GRID2: variants seen among roughly 807,000 people sequenced by gnomAD.
GRID2 encodes glutamate receptor ionotropic, delta-2.
A neutral mutation model predicts 114.8 loss-of-function variants in GRID2; 33 were observed. That is an observed-to-expected ratio of 0.29 (90% CI 0.22 to 0.38). GRID2 has a LOEUF of 0.38. GRID2 is among the 10% of genes least tolerant of loss of function. GRID2 has a pLI of 1.00. For synonymous variants in GRID2, 505 were observed against 449.9 expected (o/e 1.12, Z -1.55); for missense variants, 1,184 against 1,257.7 (o/e 0.94, Z 0.89).
At chr4:93,302,492 C>A (rs190539707) in intron 8 of GRID2, 1 of 445,796 alleles carries the variant, frequency 2.2e-6, no homozygotes, top group South Asian at 1.6e-5. Context: ...CTGAGCAATG[C>A]GAACATAATA....
At chr4:93,713,631 A>G (rs1203841353) in intron 14 of GRID2, among the ~76,000 whole-genome samples, 1 of 152,082 alleles carries the variant, frequency 6.6e-6, no homozygotes, top group Non-Finnish European at 1.5e-5. Context: ...AGAAAAATAG[A>G]TTATTGGGAT....
chr4:93,649,307 A>G (rs1468096823), intron 14 of GRID2, among the ~76,000 whole-genome samples: 1 of 152,172 alleles, frequency 6.6e-6, no homozygotes, highest in Non-Finnish European at 1.5e-5. Flanking sequence ...ATGTTAACTA[A>G]TGCATTGGGT....
chr4:92,657,749 G>GA (rs1407417281), intron 2 of GRID2, among the ~76,000 whole-genome samples: 3 of 151,348 alleles, frequency 2.0e-5, no homozygotes, highest in Admixed American at 1.3e-4. Context: ...ATTTTTTATT[G>GA]AAAAAATCCT....
chr4:92,330,059 A>T (rs1726803205), intron 1 of GRID2, among the ~76,000 whole-genome samples: 1 of 150,736 alleles, frequency 6.6e-6, no homozygotes, highest in South Asian at 2.1e-4. Flanking sequence ...ACCAGCAAGA[A>T]TGTTAGTGTA....
At chr4:92,318,309 T>TATATA (rs1491453818) in intron 1 of GRID2, among the ~76,000 whole-genome samples, 152 of 113,324 alleles carry the variant, frequency 1.3e-3, no homozygotes, top group Middle Eastern at 9.9e-3. Flanking sequence ...TATATATATA[T>TATATA]TTTTTTTTTT....
chr4:92,594,681 G>A (rs950567716), intron 2 of GRID2, among the ~76,000 whole-genome samples: 30 of 151,872 alleles, frequency 2.0e-4, no homozygotes, highest in African/African-American at 7.2e-4. Flanking sequence ...AGGATCTTGT[G>A]CTGATTCCCT....
At position 93,756,969 on chromosome 4, in the gene GRID2, T is replaced by A. The variant is rs531386154; in HGVS notation, c.2361-12241T>A. On this transcript the variant is annotated intron_variant, in intron 14 of 15. Coordinates refer to ENST00000282020, the MANE Select transcript of GRID2 (RefSeq NM_001510.4). ...ATCAAATATAAATAATAATTCAGAG[T>A]GAAAACAGAGACGTCTCAAGGCAGT... Among the ~76,000 whole-genome samples the A allele has an allele frequency of 3.9e-5, 6 of 151,906 alleles. No individual in the cohort carries two copies. In the East Asian group the frequency reaches 9.7e-4, roughly 25 times the overall value.
intron 9 of GRID2, among the ~76,000 whole-genome samples, chr4:93,420,192 C>T (rs1464002981): frequency 2.0e-5 from 3 of 152,110 alleles, no homozygotes; most frequent in Admixed American, 2.0e-4. Context: ...GAATGAGTTG[C>T]ATGTAAGGAA....
chr4:93,070,590 T>G (rs1728724324), intron 2 of GRID2, among the ~76,000 whole-genome samples: 1 of 152,020 alleles, frequency 6.6e-6, no homozygotes, highest in Non-Finnish European at 1.5e-5. Context: ...AATCACTGAT[T>G]AAAGATAGAA....
At position 93,037,095 on chromosome 4, in the gene GRID2, G is replaced by T. The variant is rs982918272; in HGVS notation, c.245-47900G>T. Among the ~76,000 whole-genome samples the T allele has an allele frequency of 3.6e-4, 55 of 152,068 alleles. 1 individual carries two copies. Among genetic ancestry groups the T allele is most frequent in the Non-Finnish European group, 4.4e-5 (3 of 67,990 alleles). On this transcript the variant is annotated intron_variant, in intron 2 of 15. Coordinates refer to ENST00000282020, the MANE Select transcript of GRID2 (RefSeq NM_001510.4). Reference sequence around the variant, plus strand: ...GATAATATGGATAGACACTCAAATTGTTTTTATTTTACTTCGAAGATCAGC... The same window carrying T: ...GATAATATGGATAGACACTCAAATTTTTTTTATTTTACTTCGAAGATCAGC...
At chr4:93,328,482 A>G (rs1560504476) in intron 8 of GRID2, among the ~76,000 whole-genome samples, 1 of 152,104 alleles carries the variant, frequency 6.6e-6, no homozygotes, top group Admixed American at 6.6e-5. Context: ...TCCTTATAAC[A>G]CTATCTAAAA....
intron 2 of GRID2, among the ~76,000 whole-genome samples, chr4:93,067,996 T>G (rs775583979): frequency 1.1e-4 from 17 of 152,052 alleles, no homozygotes; most frequent in Non-Finnish European, 2.1e-4. Flanking sequence ...AACTGTAAGC[T>G]TCTAAAGAGT....
rs1193500580 is a variant in GRID2 at position 92,384,528 on chromosome 4, A to AATATATAATATAATATATAATATATATT, written c.88+79805_88+79832dup. On this transcript the variant is annotated intron_variant, in intron 1 of 15. Coordinates refer to ENST00000282020, the MANE Select transcript of GRID2 (RefSeq NM_001510.4). Reference sequence around the variant, plus strand: ...TATTATATATAATATTATATAATATAATATATAATATAATATATAATATAT... The same window carrying AATATATAATATAATATATAATATATATT: ...TATTATATATAATATTATATAATATAATATATAATATAATATATAATATATATTATATATAATATAATATATAATATAT... 6.2e-4 allele frequency among the ~76,000 whole-genome samples: 22 copies of AATATATAATATAATATATAATATATATT among 35,374 alleles called. 1 individual carries two copies. Among genetic ancestry groups the AATATATAATATAATATATAATATATATT allele is most frequent in the African/African-American group, 1.3e-3 (12 of 9,048 alleles). The allele number at this position is 35,374 out of a possible 152,430, so 23.2% of individuals were successfully genotyped here. A position where few individuals can be genotyped will look rare whatever the true frequency, so the allele number is the denominator to read the frequency against.
intron 4 of GRID2, among the ~76,000 whole-genome samples, chr4:93,197,798 A>G (rs1352220592): frequency 6.6e-6 from 1 of 152,086 alleles, no homozygotes; most frequent in African/African-American, 2.4e-5. Context: ...ATTCAAGCCC[A>G]TTTACTCAAC....
intron 14 of GRID2, among the ~76,000 whole-genome samples, chr4:93,668,297 A>G (rs1724115882): frequency 6.6e-6 from 1 of 152,078 alleles, no homozygotes; most frequent in Admixed American, 6.6e-5. Flanking sequence ...ATGAGAGATT[A>G]CTGAAATGTA....
intron 6 of GRID2, among the ~76,000 whole-genome samples, chr4:93,223,030 G>T (rs1269567387): frequency 1.3e-5 from 2 of 152,136 alleles, no homozygotes; most frequent in South Asian, 2.1e-4. Context: ...ACCAGGAGGG[G>T]TTAGGAAAGG....
At chr4:93,282,621 C>A (rs1752764207) in intron 8 of GRID2, among the ~76,000 whole-genome samples, 1 of 151,998 alleles carries the variant, frequency 6.6e-6, no homozygotes, top group Non-Finnish European at 1.5e-5. Context: ...TCCCACCTCT[C>A]AATATTGTTG....
At chr4:93,376,293 T>A (rs1369062682) in intron 8 of GRID2, among the ~76,000 whole-genome samples, 1 of 152,198 alleles carries the variant, frequency 6.6e-6, no homozygotes, top group Non-Finnish European at 1.5e-5. Flanking sequence ...ATACACCTGC[T>A]GTTTAAAGTA....
intron 8 of GRID2, among the ~76,000 whole-genome samples, chr4:93,333,643 T>C (rs11941777): frequency 0.24 from 36,669 of 152,144 alleles, 7,159 homozygotes; most frequent in African/African-American, 0.54. Flanking sequence ...CATTTCCTCA[T>C]GTGTGGTTGT....
Sources: allele counts gnomAD v4.1 joint callset (sites outside exome capture counted in the v4.1 genomes callset), GRCh38; gene constraint gnomAD v4.1.1; transcripts MANE v1.5; gene names NCBI Gene and HGNC (gene_info 2026-07-23, HGNC 2026-07-21).